Variants in ZBTB38 observed in about 807,000 individuals in gnomAD.
ZBTB38 encodes zinc finger and BTB domain-containing protein 38.
Under a neutral mutation model 76.8 loss-of-function variants are expected in ZBTB38, and 20 were observed. That is an observed-to-expected ratio of 0.26 (90% confidence interval 0.18 to 0.38). The LOEUF is 0.38. Among genes scored for constraint, ZBTB38 ranks in the 10% least tolerant of loss-of-function variants. The pLI, the probability that ZBTB38 is intolerant of heterozygous loss-of-function variation, is 1.00. For synonymous variants in ZBTB38, 504 were observed against 544.2 expected (o/e 0.93, Z 1.03); for missense variants, 1,082 against 1,482.3 (o/e 0.73, Z 4.43).
chr3:141,353,283 C>G (rs1269692165), intron 1 of ZBTB38, among the ~76,000 whole-genome samples: 1 of 152,140 alleles, frequency 6.6e-6, no homozygotes, highest in Non-Finnish European at 1.5e-5. Context: ...ACCCAACCCT[C>G]TCTTCTTTCC....
At chr3:141,383,112 A>G (rs1476338166) in intron 3 of ZBTB38, among the ~76,000 whole-genome samples, 1 of 152,216 alleles carries the variant, frequency 6.6e-6, no homozygotes, top group African/African-American at 2.4e-5. Flanking sequence ...TAGGTTCTCC[A>G]TAAGGGCAGC....
chr3:141,326,017 T>G (rs530045044), intron 1 of ZBTB38, among the ~76,000 whole-genome samples: 1 of 152,316 alleles, frequency 6.6e-6, no homozygotes, highest in Non-Finnish European at 1.5e-5. Context: ...TGTTTTTTCT[T>G]TAATTAAAAA....
rs114446696 is a variant in ZBTB38 at position 141,350,856 on chromosome 3, A to C, written c.-738-17765A>C. The stretch of plus-strand genomic sequence containing the variant: ...AAGAACATTCCTTTCCTCTACTCTC[A>C]CTCTCTTAAAATGAATACAGCATGC... On this transcript the variant is annotated intron_variant, in intron 1 of 7. Transcript: ENST00000509842. 3.7e-3 allele frequency among the ~76,000 whole-genome samples: 560 copies of C among 152,070 alleles called. 4 individuals are homozygous for C. The highest frequency in any genetic ancestry group is 0.011 in the African/African-American group (457 of 41,478).
rs2081228474 is a variant in ZBTB38, at chr3:141,448,098, T to C, written c.*2122T>C. 6.6e-6 allele frequency: 1 copy of C among 152,650 alleles called. No individual in the cohort carries two copies. Among genetic ancestry groups the C allele is most frequent in the African/African-American group, 2.4e-5 (1 of 41,456 alleles). The allele number at this position is 152,650 out of a possible 1,614,324, so 9.5% of individuals were successfully genotyped here. On this transcript the variant is annotated 3_prime_UTR_variant, in exon 6 of 6. Coordinates refer to ENST00000321464, the MANE Select transcript of ZBTB38 (RefSeq NM_001376113.1). ...ACTAATTTGTTTTATCAGTTAATAA[T>C]ATTAATCAAAGACATTTACTGTATA...
At chr3:141,383,119 C>T (rs9853018) in intron 3 of ZBTB38, among the ~76,000 whole-genome samples, 79,784 of 151,948 alleles carry the variant, frequency 0.53, 23,636 homozygotes, top group African/African-American at 0.82. Flanking sequence ...TCCATAAGGG[C>T]AGCTAGTGTA....
intron 4 of ZBTB38, chr3:141,402,473 C>CGCGGGGCCGGGGGCGGGGCGGG (rs1952442383): frequency 6.7e-6 from 1 of 149,808 alleles, no homozygotes; most frequent in Admixed American, 6.6e-5. Context: ...GCAGGGTCTT[C>CGCGGGGCCGGGGGCGGGGCGGG]GCGGGGCCGG....
intron 1 of ZBTB38, among the ~76,000 whole-genome samples, chr3:141,331,414 T>C (rs1163349706): frequency 6.6e-6 from 1 of 152,206 alleles, no homozygotes; most frequent in Non-Finnish European, 1.5e-5. Flanking sequence ...CACCATCAAA[T>C]TGTGTCCAGT....
intron 5 of ZBTB38, among the ~76,000 whole-genome samples, chr3:141,434,530 A>T (rs1404584278): frequency 6.6e-6 from 1 of 152,078 alleles, no homozygotes; most frequent in African/African-American, 2.4e-5. Context: ...CTTTTTCTAA[A>T]CCTAGGAAAT....
At chr3:141,325,957 C>T (rs1392721342) in intron 1 of ZBTB38, among the ~76,000 whole-genome samples, 1 of 152,124 alleles carries the variant, frequency 6.6e-6, no homozygotes, top group Non-Finnish European at 1.5e-5. Flanking sequence ...CACACTTCAG[C>T]CAGTATAATT....
chr3:141,410,101 T>C (rs1956142557), intron 5 of ZBTB38, among the ~76,000 whole-genome samples: 2 of 152,170 alleles, frequency 1.3e-5, no homozygotes, highest in Admixed American at 1.3e-4. Flanking sequence ...TTATTTTCTT[T>C]TGAGCAGAAA....
Position 141,362,868 on chromosome 3 carries a change from G to T in ZBTB38, c.-738-5753G>T, listed in dbSNP as rs180718791. On this transcript the variant is annotated intron_variant, in intron 1 of 7. Coordinates refer to the ZBTB38 transcript ENST00000509842. Reference sequence around the variant, plus strand: ...AAATTACTTTTGGTGACTAGACTGGGTTTCTTGGGCTGCAACCCTGCCCCC... The same window carrying T: ...AAATTACTTTTGGTGACTAGACTGGTTTTCTTGGGCTGCAACCCTGCCCCC... Among the ~76,000 whole-genome samples the T allele has an allele frequency of 3.3e-5, 5 of 152,260 alleles. No homozygotes were observed. In the East Asian group the frequency reaches 7.7e-4, roughly 23 times the overall value.
intron 5 of ZBTB38, among the ~76,000 whole-genome samples, chr3:141,424,649 C>CGTGTGT (rs139888507): frequency 2.1e-4 from 32 of 149,806 alleles, no homozygotes; most frequent in African/African-American, 7.6e-4. Context: ...TGTGTGTGTG[C>CGTGTGT]GTGTGTGTGT....
chr3:141,351,619 G>C (rs1367717581), intron 1 of ZBTB38, among the ~76,000 whole-genome samples: 1 of 150,314 alleles, frequency 6.7e-6, no homozygotes, highest in South Asian at 2.1e-4. Flanking sequence ...TGTAGTCCTA[G>C]TTACGTGGGA....
chr3:141,382,945 GCAAT>G (rs1559928551), intron 3 of ZBTB38, among the ~76,000 whole-genome samples: 2 of 152,208 alleles, frequency 1.3e-5, no homozygotes, highest in Non-Finnish European at 2.9e-5. Context: ...CGTAGACTTT[GCAAT>G]CAATCAAACT....
At chr3:141,386,994 A>G (rs1947285360) in intron 4 of ZBTB38, 57 bp downstream of exon 4, 1 of 152,718 alleles carries the variant, frequency 6.5e-6, no homozygotes, top group Non-Finnish European at 1.5e-5. Flanking sequence ...TGCAGTGCGT[A>G]TCTTGCTTCT....
chr3:141,443,568 A>T lies in ZBTB38; in HGVS notation c.1180A>T (p.Met394Leu). 3 of 1,614,242 alleles carry T rather than the reference A, an allele frequency of 1.9e-6. No homozygotes were observed. Among genetic ancestry groups the T allele is most frequent in the Non-Finnish European group, 2.5e-6 (3 of 1,180,040 alleles). ...NRLDRHEQICMRSSHMPIPGG... is the reference protein window; with the variant it reads ...NRLDRHEQICLRSSHMPIPGG... ...GTTGGATCGGCATGAACAGATCTGC[A>T]TGAGGTCAAGCCACATGCCCATTCC... Residue 394 changes from methionine (M) to leucine (L), a missense_variant, in exon 6 of 6, where the codon ATG (methionine) becomes TTG (leucine). Physicochemically the swap from Met to Leu is conservative, Grantham distance 15. Coordinates refer to ENST00000321464, the MANE Select transcript of ZBTB38 (RefSeq NM_001376113.1). The surrounding 1 kb of genome is among the most constrained non-coding windows in gnomAD (Gnocchi z 5.6).
At chr3:141,336,561 G>T (rs1943021372) in intron 1 of ZBTB38, among the ~76,000 whole-genome samples, 1 of 152,084 alleles carries the variant, frequency 6.6e-6, no homozygotes, top group African/African-American at 2.4e-5. Context: ...GTTGGCCAGG[G>T]TGGTCTTGAA....
chr3:141,345,838 C>T (rs1229203932), intron 1 of ZBTB38, among the ~76,000 whole-genome samples: 2 of 152,044 alleles, frequency 1.3e-5, no homozygotes, highest in Non-Finnish European at 2.9e-5. Context: ...TTCCCCCAGG[C>T]CCTCACCCAC....
chr3:141,407,172 T>C (rs1954818544), intron 5 of ZBTB38, among the ~76,000 whole-genome samples: 1 of 152,220 alleles, frequency 6.6e-6, no homozygotes. Flanking sequence ...TTTCTAACAG[T>C]AATGTAATTC....
Sources: allele counts gnomAD v4.1 joint callset (sites outside exome capture counted in the v4.1 genomes callset), GRCh38; gene constraint gnomAD v4.1.1; non-coding constraint Gnocchi (gnomAD v3.1); transcripts MANE v1.5; gene names NCBI Gene and HGNC (gene_info 2026-07-23, HGNC 2026-07-21).